Variants in SRCIN1 observed in about 807,000 individuals in gnomAD.
SRCIN1 encodes P130Cas-associated protein.
SRCIN1 carries 50 observed loss-of-function variants against 116.2 expected under a neutral mutation model. The ratio of observed to expected loss-of-function variants is 0.43; its 90% confidence interval spans 0.34 to 0.54. SRCIN1 has a LOEUF of 0.54. SRCIN1 is among the 20% of genes least tolerant of loss of function. The probability of loss-of-function intolerance (pLI) is 0.02; values close to 1 mark genes in which losing one functional copy is unlikely to be tolerated. For synonymous variants in SRCIN1, 736 were observed against 750.0 expected (o/e 0.98, Z 0.30); for missense variants, 1,446 against 1,672.0 (o/e 0.86, Z 2.36).
chr17:38,588,496 G>A (rs1028538192), intron 1 of SRCIN1, among the ~76,000 whole-genome samples: 5 of 152,236 alleles, frequency 3.3e-5, no homozygotes, highest in Non-Finnish European at 5.9e-5. Context: ...AACACAGGCC[G>A]AGCGGGAGGG....
chr17:38,571,089 G>T (rs571544300), intron 2 of SRCIN1, among the ~76,000 whole-genome samples: 1 of 152,304 alleles, frequency 6.6e-6, no homozygotes, highest in East Asian at 1.9e-4. Context: ...AAACTGTGGT[G>T]GGGGAGGCCT....
At chr17:38,540,383 A>C (rs2039171334) in intron 18 of SRCIN1, among the ~76,000 whole-genome samples, 1 of 152,150 alleles carries the variant, frequency 6.6e-6, no homozygotes, top group South Asian at 2.1e-4. Context: ...GATGAAGGAG[A>C]GGCCTTGGGC....
chr17:38,552,297 C>A lies in SRCIN1; in HGVS notation c.2480+150G>T. On this transcript the variant is annotated intron_variant, in intron 13 of 18. Coordinates refer to ENST00000617146, the MANE Select transcript of SRCIN1 (RefSeq NM_025248.3). The surrounding 1 kb of genome is among the most constrained non-coding windows in gnomAD (Gnocchi z 5.3). ...GTATAAGAGGAAGCCAGGTCTACAG[C>A]ATGCAGGGGTCACAGGGCAGAGCTG... The A allele has an allele frequency of 7.2e-7, 1 of 1,396,436 alleles. No individual in the cohort carries two copies. Among genetic ancestry groups the A allele is most frequent in the Non-Finnish European group, 9.6e-7 (1 of 1,045,164 alleles). 86.5% of individuals were successfully genotyped at this position (1,396,436 alleles called of 1,614,324 possible).
intron 11 of SRCIN1, among the ~76,000 whole-genome samples, chr17:38,556,310 C>T (rs1391831632): frequency 6.6e-6 from 1 of 152,268 alleles, no homozygotes; most frequent in Non-Finnish European, 1.5e-5. Flanking sequence ...CGTGGCATAC[C>T]TACAAAGCTG....
chr17:38,574,180 C>G (rs985027709), intron 2 of SRCIN1, among the ~76,000 whole-genome samples: 1 of 152,202 alleles, frequency 6.6e-6, no homozygotes, highest in African/African-American at 2.4e-5. Context: ...CTGTCCCCTT[C>G]CCATTGCAAC....
Position 38,530,285 on chromosome 17 carries a change from C to T in SRCIN1, c.*3012G>A, listed in dbSNP as rs985895606. 2 of 152,088 alleles carry T rather than the reference C, an allele frequency of 1.3e-5. No homozygotes were observed. The highest frequency in any genetic ancestry group is 4.8e-5 in the African/African-American group (2 of 41,400). The allele number at this position is 152,088 out of a possible 1,614,324, so 9.4% of individuals were successfully genotyped here. On this transcript the variant is annotated 3_prime_UTR_variant, in exon 19 of 19. Coordinates refer to ENST00000617146, the MANE Select transcript of SRCIN1 (RefSeq NM_025248.3). Reference sequence around the variant, plus strand: ...GGGCAGGGTGTGGAGCCGGGGCTCACCCCGGGGGGCCCCCTGGGGACCCCA... The same window carrying T: ...GGGCAGGGTGTGGAGCCGGGGCTCATCCCGGGGGGCCCCCTGGGGACCCCA...
chr17:38,605,603 G>T, intron 1 of SRCIN1, 81 bp downstream of exon 1: 1 of 1,224,292 alleles, frequency 8.2e-7, no homozygotes, highest in Non-Finnish European at 1.1e-6. Flanking sequence ...CCCGGCCGAG[G>T]GGGAAAACAC....
chr17:38,599,829 G>T (rs1908925682), intron 1 of SRCIN1, among the ~76,000 whole-genome samples: 1 of 152,154 alleles, frequency 6.6e-6, no homozygotes, highest in Admixed American at 6.5e-5. Context: ...CAGCAGCCTG[G>T]GTATGGGGGA....
At chr17:38,535,334 G>C (rs1194034295) in intron 18 of SRCIN1, among the ~76,000 whole-genome samples, 1 of 150,780 alleles carries the variant, frequency 6.6e-6, no homozygotes, top group African/African-American at 2.4e-5. Flanking sequence ...TCAGCCTCCC[G>C]AGTAGCTGGA....
intron 18 of SRCIN1, among the ~76,000 whole-genome samples, chr17:38,533,968 T>TCCA (rs142815334): frequency 1.1e-3 from 161 of 151,862 alleles, no homozygotes; most frequent in African/African-American, 3.2e-3. Context: ...AAAGACCCCG[T>TCCA]CCACCACCAC....
At chr17:38,580,850 TG>T (rs1006875628) in intron 1 of SRCIN1, among the ~76,000 whole-genome samples, 1 of 152,162 alleles carries the variant, frequency 6.6e-6, no homozygotes, top group African/African-American at 2.4e-5. Context: ...TTTCTTTTTC[TG>T]GGGGGACAGG....
intron 1 of SRCIN1, among the ~76,000 whole-genome samples, chr17:38,588,153 G>A (rs1452642162): frequency 1.3e-5 from 2 of 152,036 alleles, no homozygotes; most frequent in African/African-American, 4.8e-5. Flanking sequence ...GCCTGGGTGA[G>A]CAGAGTCAGT....
rs1905920513 is a variant in SRCIN1, at chr17:38,558,075, A to T, written c.2201+152T>A. Among the ~76,000 whole-genome samples, 1 of 152,208 alleles carries T rather than the reference A, an allele frequency of 6.6e-6. No homozygotes were observed. The highest frequency in any genetic ancestry group is 2.4e-5 in the African/African-American group (1 of 41,454). On this transcript the variant is annotated intron_variant, in intron 11 of 18. Coordinates refer to ENST00000617146, the MANE Select transcript of SRCIN1 (RefSeq NM_025248.3). This position sits in a 1 kb window ranked among gnomAD's most constrained non-coding sequence, Gnocchi z 4.6. ...GTCAAAAGTTTGTGGGTCACAGTGA[A>T]ATCAGGCCAGAGGAGAATGAAATCA...
Position 38,548,653 on chromosome 17 carries a change from A to G in SRCIN1, c.3174T>C (p.Ala1058=), listed in dbSNP as rs1248937108. Residue 1058 remains alanine, a synonymous_variant, in exon 17 of 19, where the codon GCT becomes GCC. Transcript: ENST00000617146. ...AGGCTGGGCGGGCCACCTCAGACACAGCCCGGCGCAGCTTCACCTGGGGCT... is the reference window on the plus strand; with the variant it reads ...AGGCTGGGCGGGCCACCTCAGACACGGCCCGGCGCAGCTTCACCTGGGGCT... ...VQKPQVKLRR[A]VSEVARPAST... is the part of the protein sequence containing the mutation. 2 of 1,612,376 alleles carry G rather than the reference A, an allele frequency of 1.2e-6. No individual in the cohort carries two copies. Among genetic ancestry groups the G allele is most frequent in the African/African-American group, 2.7e-5 (2 of 74,886 alleles).
chr17:38,559,760 C>A lies in SRCIN1; in HGVS notation c.1850G>T (p.Gly617Val). 1.3e-6 allele frequency: 2 copies of A among 1,519,724 alleles called. No individual in the cohort carries two copies. Among genetic ancestry groups the A allele is most frequent in the Non-Finnish European group, 8.7e-7 (1 of 1,142,876 alleles). The allele number at this position is 1,519,724 out of a possible 1,614,324, so 94.1% of individuals were successfully genotyped here. ...CGGGGTGGCCCCGCTGCTCCGGCCG[C>A]CTGACCCACAGGCTGCAGAGGACCA... The part of the protein sequence containing the change: ...AATPSAPCGS[G>V]GRSSGATPVS... Residue 617 changes from glycine (G) to valine (V), a missense_variant, in exon 10 of 19, where the codon GGC (glycine) becomes GTC (valine). Around this residue, in one of 5 missense-constraint regions of SRCIN1, gnomAD observed 398 missense variants for 385.6 expected, o/e 1.03. Transcript: ENST00000617146.
At chr17:38,560,803 G>A (rs1426883385) in intron 7 of SRCIN1, among the ~76,000 whole-genome samples, 1 of 152,208 alleles carries the variant, frequency 6.6e-6, no homozygotes, top group Non-Finnish European at 1.5e-5. Context: ...ACAGGAACTG[G>A]GTTTGCTCAG....
At position 38,552,551 on chromosome 17, in the gene SRCIN1, G is replaced by A. The variant is rs760350456; in HGVS notation, c.2376C>T (p.Arg792=). The change falls in exon 13 of 19, where the codon CGC becomes CGT. Residue 792 remains arginine, a synonymous_variant. Transcript: ENST00000617146. This position sits in a 1 kb window ranked among gnomAD's most constrained non-coding sequence, Gnocchi z 5.3. ...GLQSKMRVVL[R]VEVEAVKFLK... Reference sequence around the variant, plus strand: ...GGAACTTCACCGCCTCCACCTCCACGCGCAGCACCACCCGCATCTTGCTCT... The same window carrying A: ...GGAACTTCACCGCCTCCACCTCCACACGCAGCACCACCCGCATCTTGCTCT... 26 of 1,609,192 alleles carry A rather than the reference G, an allele frequency of 1.6e-5. No individual in the cohort carries two copies. Among genetic ancestry groups the A allele is most frequent in the Admixed American group, 3.4e-5 (2 of 59,390 alleles).
At position 38,563,506 on chromosome 17, in the gene SRCIN1, T is replaced by A; in HGVS notation, c.557A>T (p.Gln186Leu). The A allele has an allele frequency of 6.4e-7, 1 of 1,551,230 alleles. No individual in the cohort carries two copies. Among genetic ancestry groups the A allele is most frequent in the Non-Finnish European group, 8.7e-7 (1 of 1,147,510 alleles). The change falls in exon 5 of 19, where the codon CAG becomes CTG. Residue 186 changes from glutamine (Q) to leucine (L), a missense_variant. Gln to Leu is a moderately radical substitution (Grantham distance 113). Transcript: ENST00000617146. This position sits in a 1 kb window ranked among gnomAD's most constrained non-coding sequence, Gnocchi z 5.8. ...KLRSPGVLFLQFGEETRRVHI... is the reference protein window; with the variant it reads ...KLRSPGVLFLLFGEETRRVHI... ...CACGCGCCGAGTCTCCTCCCCGAAC[T>A]GCAGGAACAGCACCCCTGCGAAGGA...
chr17:38,551,228 A>T lies in SRCIN1; in HGVS notation c.2889T>A (p.Asp963Glu). ...CGTGGGGGGCCTTGGGGGGCTTGTG[A>T]TCTGGAGTGGGGGCCGGGCCTGGAT... is the stretch of plus-strand genomic sequence containing the variant. ...KAHPGPAPTPDHKPPKAPHGQ... is the reference protein window; with the variant it reads ...KAHPGPAPTPEHKPPKAPHGQ... Residue 963 changes from aspartate to glutamate, a missense_variant, in exon 15 of 19, where the codon GAT (aspartate) becomes GAA (glutamate). Around this residue, in one of 5 missense-constraint regions of SRCIN1, gnomAD observed 531 missense variants for 633.9 expected, o/e 0.84. Coordinates refer to ENST00000617146, the MANE Select transcript of SRCIN1 (RefSeq NM_025248.3). 6.2e-7 allele frequency: 1 copy of T among 1,608,548 alleles called. No homozygotes were observed. Among genetic ancestry groups the T allele is most frequent in the Non-Finnish European group, 8.5e-7 (1 of 1,177,536 alleles).
Sources: allele counts gnomAD v4.1 joint callset (sites outside exome capture counted in the v4.1 genomes callset), GRCh38; gene constraint gnomAD v4.1.1; regional missense constraint gnomAD v4.1.1; non-coding constraint Gnocchi (gnomAD v3.1); transcripts MANE v1.5; gene names NCBI Gene and HGNC (gene_info 2026-07-23, HGNC 2026-07-21).